Variants in NSD3 observed in about 807,000 individuals in gnomAD.
NSD3 encodes the protein nuclear receptor binding SET domain protein 3, also known as histone-lysine N-methyltransferase NSD3.
A neutral mutation model predicts 160.8 loss-of-function variants in NSD3; 24 were observed. The ratio of observed to expected loss-of-function variants is 0.15; its 90% CI spans 0.11 to 0.21. The LOEUF (loss-of-function observed/expected upper bound fraction) is 0.21, where lower values mean the gene tolerates loss of function less well. Ranked by LOEUF, NSD3 falls within the 10% of genes least tolerant of loss-of-function variation. NSD3 has a pLI of 1.00. For synonymous variants in NSD3, 520 were observed against 600.0 expected (o/e 0.87, Z 1.95); for missense variants, 1,157 against 1,735.9 (o/e 0.67, Z 5.93).
chr8:38,313,754 C>G (rs1164442524), intron 12 of NSD3, among the ~76,000 whole-genome samples: 2 of 148,404 alleles, frequency 1.3e-5, no homozygotes, highest in African/African-American at 2.5e-5. Context: ...TGCCACTGCA[C>G]TCCAGCCTGG....
At chr8:38,376,378 ACTTAAC>A (rs1219238400) in intron 1 of NSD3, among the ~76,000 whole-genome samples, 5 of 151,714 alleles carry the variant, frequency 3.3e-5, no homozygotes, top group African/African-American at 1.2e-4. Context: ...TACTAAATAT[ACTTAAC>A]CTTAAGTTTG....
intron 14 of NSD3, among the ~76,000 whole-genome samples, chr8:38,304,075 C>T (rs1292442957): frequency 6.6e-6 from 1 of 152,202 alleles, no homozygotes; most frequent in Admixed American, 6.5e-5. Context: ...GAACTAACAC[C>T]ACCACATATG....
intron 22 of NSD3, 127 bp downstream of exon 22, chr8:38,278,179 C>G: frequency 1.6e-6 from 1 of 630,672 alleles, no homozygotes; most frequent in East Asian, 3.2e-5. Flanking sequence ...ACCTCGTGAT[C>G]TGCCCGCCTT....
Position 38,371,195 on chromosome 8 carries a change from T to C in NSD3, c.-45+10604A>G, listed in dbSNP as rs1386556570. ...CATATGAAAAAATATTGGAAGGATA[T>C]AGAACAAAATATTAATAGTAGTTAC... is the stretch of plus-strand genomic sequence containing the variant. On this transcript the variant is annotated intron_variant, in intron 1 of 23. Coordinates refer to ENST00000317025, the MANE Select transcript of NSD3 (RefSeq NM_023034.2). Among the ~76,000 whole-genome samples, 7 of 152,084 alleles carry C rather than the reference T, an allele frequency of 4.6e-5. No homozygotes were observed. In the East Asian group the frequency reaches 5.8e-4, roughly 13 times the overall value.
At chr8:38,351,596 G>A (rs770949258) in intron 1 of NSD3, among the ~76,000 whole-genome samples, 1 of 151,186 alleles carries the variant, frequency 6.6e-6, no homozygotes, top group Non-Finnish European at 1.5e-5. Flanking sequence ...CCAGGAGGCA[G>A]AGGTTGCAGT....
chr8:38,348,628 T>C (rs995564095), intron 1 of NSD3, among the ~76,000 whole-genome samples: 1 of 152,190 alleles, frequency 6.6e-6, no homozygotes, highest in African/African-American at 2.4e-5. Flanking sequence ...TGTCCAGTGG[T>C]TGTTTTTATT....
chr8:38,352,030 A>T (rs1303927782), intron 1 of NSD3, among the ~76,000 whole-genome samples: 1 of 152,116 alleles, frequency 6.6e-6, no homozygotes, highest in African/African-American at 2.4e-5. Flanking sequence ...ATTAAAAAAA[A>T]AAAAGGATCC....
chr8:38,283,365 G>A (rs2130986569), intron 19 of NSD3, among the ~76,000 whole-genome samples: 1 of 151,806 alleles, frequency 6.6e-6, no homozygotes, highest in African/African-American at 2.4e-5. Flanking sequence ...AAAGGTATTG[G>A]CTTATTTTAT....
At chr8:38,280,303 C>G (rs1272752619) in intron 20 of NSD3, 2 of 152,132 alleles carry the variant, frequency 1.3e-5, no homozygotes, top group Non-Finnish European at 2.9e-5. Context: ...CTGAGCCTCT[C>G]AAGTGCTGTC....
rs1314867657 is a variant in NSD3 at position 38,272,916 on chromosome 8, AAATAGGTCAACATTG to A, written c.*2710_*2724del. ...ATAATCTGCAACTTAAAAATATATC[AAATAGGTCAACATTG>A]ACGCTATGGAGGTGTGAGGAGAACT... is the stretch of plus-strand genomic sequence containing the variant. On this transcript the variant is annotated 3_prime_UTR_variant, in exon 24 of 24. Transcript: ENST00000317025. 6.6e-6 allele frequency: 1 copy of A among 152,252 alleles called. No homozygotes were observed. Among genetic ancestry groups the A allele is most frequent in the Non-Finnish European group, 1.5e-5 (1 of 68,040 alleles). The allele number at this position is 152,252 out of a possible 1,614,324, so 9.4% of individuals were successfully genotyped here. A position where few individuals can be genotyped will look rare whatever the true frequency, so the allele number is the denominator to read the frequency against.
rs577444620 is a variant in NSD3, at chr8:38,362,812, C to T, written c.-44-14597G>A. Among the ~76,000 whole-genome samples the T allele has an allele frequency of 5.9e-5, 9 of 152,248 alleles. No homozygotes were observed. In the South Asian group the frequency reaches 6.2e-4, roughly 11 times the overall value. ...CAAAACCTACATTCACTATGAACAGCGTAAGAGAAACTGTCACAACATCAT... is the reference window on the plus strand; with the variant it reads ...CAAAACCTACATTCACTATGAACAGTGTAAGAGAAACTGTCACAACATCAT... On this transcript the variant is annotated intron_variant, in intron 1 of 23. Coordinates refer to ENST00000317025, the MANE Select transcript of NSD3 (RefSeq NM_023034.2).
At chr8:38,307,431 A>C (rs1250894883) in intron 12 of NSD3, among the ~76,000 whole-genome samples, 2 of 152,192 alleles carry the variant, frequency 1.3e-5, no homozygotes, top group Non-Finnish European at 2.9e-5. Context: ...AAATAAAAGT[A>C]CATTCACTTT....
chr8:38,283,795 A>G (rs938807756), intron 19 of NSD3, among the ~76,000 whole-genome samples: 10 of 152,198 alleles, frequency 6.6e-5, no homozygotes, highest in African/African-American at 2.4e-4. Context: ...TGTATAAGCT[A>G]TGATATGGAA....
chr8:38,316,996 G>A lies in NSD3; in HGVS notation c.1856-954C>T. 9.4e-7 allele frequency: 1 copy of A among 1,059,948 alleles called. No homozygotes were observed. The highest frequency in any genetic ancestry group is 1.1e-6 in the Non-Finnish European group (1 of 875,940). The allele number at this position is 1,059,948 out of a possible 1,614,324, so 65.7% of individuals were successfully genotyped here. ...GTTAATATTTCAACCCACAGTTTGTGTTTTGGATTTTTTCCCCCAAAATTT... is the reference window on the plus strand; with the variant it reads ...GTTAATATTTCAACCCACAGTTTGTATTTTGGATTTTTTCCCCCAAAATTT... On this transcript the variant is annotated intron_variant, in intron 9 of 23. Transcript: ENST00000317025. The surrounding 1 kb of genome is among the most constrained non-coding windows in gnomAD (Gnocchi z 4.5).
intron 16 of NSD3, among the ~76,000 whole-genome samples, chr8:38,293,940 AAAAAAAAAAAAAAAG>A (rs1809071166): frequency 6.7e-6 from 1 of 150,200 alleles, no homozygotes; most frequent in African/African-American, 2.4e-5. Flanking sequence ...AAAAAAAAAA[AAAAAAAAAAAAAAAG>A]AGAAATATAT....
chr8:38,327,003 T>C (rs1165935140), intron 6 of NSD3, 147 bp from the exon 7 acceptor site: 3 of 900,084 alleles, frequency 3.3e-6, no homozygotes, highest in Middle Eastern at 3.6e-4. Flanking sequence ...TTAGCCTTTA[T>C]CAGAAATTTG....
intron 22 of NSD3, among the ~76,000 whole-genome samples, chr8:38,277,461 A>G (rs577930853): frequency 1.3e-5 from 2 of 152,172 alleles, no homozygotes; most frequent in East Asian, 3.9e-4. Flanking sequence ...TATTTTTAGT[A>G]GAGATGGGGT....
At chr8:38,332,182 C>T (rs1810077766) in intron 4 of NSD3, among the ~76,000 whole-genome samples, 1 of 152,206 alleles carries the variant, frequency 6.6e-6, no homozygotes, top group Admixed American at 6.5e-5. Flanking sequence ...CTGAAGTGAT[C>T]CTCCTGCCTC....
chr8:38,350,635 C>T (rs571981602), intron 1 of NSD3, among the ~76,000 whole-genome samples: 48 of 152,126 alleles, frequency 3.2e-4, no homozygotes, highest in African/African-American at 1.0e-3. Context: ...ACAAAATGTA[C>T]GTGGCAGGGT....
Sources: allele counts gnomAD v4.1 joint callset (sites outside exome capture counted in the v4.1 genomes callset), GRCh38; gene constraint gnomAD v4.1.1; non-coding constraint Gnocchi (gnomAD v3.1); transcripts MANE v1.5; gene names NCBI Gene and HGNC (gene_info 2026-07-23, HGNC 2026-07-21).